The following LMBRD2 variants were observed in gnomAD, a reference collection of about 807,000 sequenced individuals.
LMBRD2 encodes G protein-coupled receptor-associated protein LMBRD2.
In LMBRD2, 55 loss-of-function variants were observed where a neutral mutation model predicts 94.4. The ratio of observed to expected loss-of-function variants is 0.58; its 90% CI spans 0.47 to 0.73. The LOEUF is 0.73. Among genes scored for constraint, LMBRD2 ranks in the 30% least tolerant of loss-of-function variants. The probability of loss-of-function intolerance (pLI) is 0.00; values close to 1 mark genes in which losing one functional copy is unlikely to be tolerated. For missense variants in LMBRD2, 640 were observed against 831.9 expected, an observed-to-expected ratio of 0.77 and a Z score of 2.84; for synonymous variants, 246 against 272.4, an observed-to-expected ratio of 0.90 and a Z score of 0.95.
intron 6 of LMBRD2, among the ~76,000 whole-genome samples, chr5:36,125,742 C>T (rs1480168919): frequency 6.6e-6 from 1 of 152,094 alleles, no homozygotes; most frequent in Non-Finnish European, 1.5e-5. Context: ...AGGAATTTAG[C>T]TTAATGAGGA....
intron 1 of LMBRD2, among the ~76,000 whole-genome samples, chr5:36,149,314 G>C (rs1744630960): frequency 6.6e-6 from 1 of 152,208 alleles, no homozygotes. Flanking sequence ...CACCACCACA[G>C]AGACTATCAG....
chr5:36,144,810 T>C (rs2111914268), intron 1 of LMBRD2, among the ~76,000 whole-genome samples: 1 of 152,324 alleles, frequency 6.6e-6, no homozygotes, highest in African/African-American at 2.4e-5. Context: ...TGGTTAAATT[T>C]AAATTTATAT....
At position 36,105,064 on chromosome 5, in the gene LMBRD2, T is replaced by G; in HGVS notation, c.2027+4A>C. 6.2e-7 allele frequency: 1 copy of G among 1,611,734 alleles called. No homozygotes were observed. Among genetic ancestry groups the G allele is most frequent in the South Asian group, 1.1e-5 (1 of 90,754 alleles). On this transcript the variant is annotated splice_donor_region_variant and intron_variant, in intron 17 of 17. Transcript: ENST00000296603. ...AGAGCTAAAATGTCACAGCCAGAAC[T>G]TACCTTCCTGATTCAGATTCAAGAG...
At chr5:36,113,352 A>AAG (rs1743660931) in intron 13 of LMBRD2, among the ~76,000 whole-genome samples, 2 of 151,916 alleles carry the variant, frequency 1.3e-5, no homozygotes, top group Non-Finnish European at 2.9e-5. Context: ...TAAGCCCTTA[A>AAG]AAGGGACAGG....
intron 12 of LMBRD2, among the ~76,000 whole-genome samples, chr5:36,114,783 T>C (rs1439033203): frequency 6.6e-6 from 1 of 152,168 alleles, no homozygotes; most frequent in African/African-American, 2.4e-5. Context: ...ATAGGTCAGT[T>C]CTTTTGATAC....
chr5:36,104,944 A>C (rs1743428202), intron 17 of LMBRD2, 124 bp downstream of exon 17: 1 of 903,606 alleles, frequency 1.1e-6, no homozygotes. Flanking sequence ...GAAAATGAAC[A>C]TTTTCCTTTA....
chr5:36,143,159 T>C lies in LMBRD2; in HGVS notation c.174+17A>G, dbSNP rs562659624. The stretch of plus-strand genomic sequence containing the variant: ...AAATTTGTCTTTTAAATTGTGAAAA[T>C]AAATTTCACTCCTTACCGTACTAAC... On this transcript the variant is annotated intron_variant, in intron 2 of 17. Transcript: ENST00000296603. 5 of 1,537,706 alleles carry C rather than the reference T, an allele frequency of 3.3e-6. No homozygotes were observed. In the Admixed American group the frequency reaches 1.0e-4, roughly 31 times the overall value.
intron 9 of LMBRD2, among the ~76,000 whole-genome samples, chr5:36,120,506 G>C (rs181605606): frequency 2.6e-5 from 4 of 152,012 alleles, no homozygotes; most frequent in Admixed American, 1.3e-4. Context: ...TGATCTGCCC[G>C]CCTCGGCCTC....
At chr5:36,109,323 T>C (rs1743549266) in intron 15 of LMBRD2, among the ~76,000 whole-genome samples, 1 of 152,058 alleles carries the variant, frequency 6.6e-6, no homozygotes, top group Admixed American at 6.6e-5. Context: ...AGAAGAGAAA[T>C]CTATCTCTAG....
Position 36,142,648 on chromosome 5 carries a change from A to T in LMBRD2, c.175-49T>A, listed in dbSNP as rs1303833513. ...AAAAATGAGAATCAAAAGGTTACCAAGTACTTAAAGGACATCAGAGTTTAT... is the reference window on the plus strand; with the variant it reads ...AAAAATGAGAATCAAAAGGTTACCATGTACTTAAAGGACATCAGAGTTTAT... On this transcript the variant is annotated intron_variant, in intron 2 of 17. Coordinates refer to ENST00000296603, the MANE Select transcript of LMBRD2 (RefSeq NM_001007527.2). The T allele has an allele frequency of 2.9e-6, 3 of 1,021,042 alleles. No homozygotes were observed. In the Admixed American group the frequency reaches 5.1e-5, roughly 17 times the overall value. The allele number at this position is 1,021,042 out of a possible 1,614,324, so 63.2% of individuals were successfully genotyped here.
Position 36,115,129 on chromosome 5 carries a change from A to T in LMBRD2, c.1437-9T>A, listed in dbSNP as rs1275982054. ...TCAAACGGCAAAATAGCCTGCAACA[A>T]ACATTTAAAAATATGTATATAAAAA... is the stretch of plus-strand genomic sequence containing the variant. On this transcript the variant is annotated splice_polypyrimidine_tract_variant and intron_variant, in intron 11 of 17. Coordinates refer to ENST00000296603, the MANE Select transcript of LMBRD2 (RefSeq NM_001007527.2). 1 of 1,541,492 alleles carries T rather than the reference A, an allele frequency of 6.5e-7. No homozygotes were observed. The highest frequency in any genetic ancestry group is 8.9e-7 in the Non-Finnish European group (1 of 1,120,244).
intron 1 of LMBRD2, among the ~76,000 whole-genome samples, chr5:36,146,871 C>A (rs1233697055): frequency 6.6e-6 from 1 of 152,014 alleles, no homozygotes; most frequent in African/African-American, 2.4e-5. Flanking sequence ...AAATAATCAC[C>A]ATAGTCAAAC....
chr5:36,146,941 A>AGTGTGTGT (rs371000455), intron 1 of LMBRD2, among the ~76,000 whole-genome samples: 22 of 139,468 alleles, frequency 1.6e-4, no homozygotes, highest in African/African-American at 2.4e-4. Flanking sequence ...TGTGTGTGTG[A>AGTGTGTGT]GTGTGTGTGT....
Position 36,100,470 on chromosome 5 carries a change from A to G in LMBRD2, c.*3576T>C, listed in dbSNP as rs1743324718. The G allele has an allele frequency of 6.6e-6, 1 of 152,118 alleles. No homozygotes were observed. Among genetic ancestry groups the G allele is most frequent in the South Asian group, 2.1e-4 (1 of 4,836 alleles). The allele number at this position is 152,118 out of a possible 1,614,324, so 9.4% of individuals were successfully genotyped here. ...CCACTCATCAAAAACAACTCTGTAC[A>G]CAAAACAGAAGGAAAATCTTTCAGC... is the stretch of plus-strand genomic sequence containing the variant. On this transcript the variant is annotated 3_prime_UTR_variant, in exon 18 of 18. Coordinates refer to ENST00000296603, the MANE Select transcript of LMBRD2 (RefSeq NM_001007527.2).
At chr5:36,128,172 C>T (rs1386624064) in intron 6 of LMBRD2, among the ~76,000 whole-genome samples, 1 of 152,210 alleles carries the variant, frequency 6.6e-6, no homozygotes, top group Non-Finnish European at 1.5e-5. Flanking sequence ...CACACATCTC[C>T]AAGTTTGCAA....
chr5:36,129,163 A>G (rs1392837062), intron 6 of LMBRD2, among the ~76,000 whole-genome samples: 1 of 152,218 alleles, frequency 6.6e-6, no homozygotes, highest in East Asian at 1.9e-4. Flanking sequence ...AAGAGGAGGT[A>G]GAGTGAGAGA....
In LMBRD2 at chr5:36,117,925, C is replaced by T; in HGVS notation, c.1121-9G>A. 1 of 1,570,064 alleles carries T rather than the reference C, an allele frequency of 6.4e-7. No individual in the cohort carries two copies. Among genetic ancestry groups the T allele is most frequent in the Non-Finnish European group, 8.6e-7 (1 of 1,162,550 alleles). On this transcript the variant is annotated splice_polypyrimidine_tract_variant and intron_variant, in intron 9 of 17. Coordinates refer to ENST00000296603, the MANE Select transcript of LMBRD2 (RefSeq NM_001007527.2). ...ACATTCCCAGTACCATTCTAGAAGA[C>T]AAAAGAAAAAAATGATTAGGAAAAC...
At position 36,101,235 on chromosome 5, in the gene LMBRD2, TAAC is replaced by T. The variant is rs549716613; in HGVS notation, c.*2808_*2810del. 1.2e-3 allele frequency: 178 copies of T among 152,118 alleles called. 2 individuals are homozygous for T. Among genetic ancestry groups the T allele is most frequent in the African/African-American group, 4.0e-3 (166 of 41,572 alleles). The allele number at this position is 152,118 out of a possible 1,614,324, so 9.4% of individuals were successfully genotyped here. ...GTTTTTTACAAAAATGCTCTATTGA[TAAC>T]AAGTTATTTATGTTGTAAAAGAAGT... On this transcript the variant is annotated 3_prime_UTR_variant, in exon 18 of 18. Transcript: ENST00000296603.
rs1743691305 is a variant in LMBRD2, at chr5:36,114,484, T to C, written c.1580A>G (p.Asp527Gly). Residue 527 changes from aspartate to glycine, a missense_variant, in exon 13 of 18, where the codon GAT (aspartate) becomes GGT (glycine). Coordinates refer to ENST00000296603, the MANE Select transcript of LMBRD2 (RefSeq NM_001007527.2). Reference sequence around the variant, plus strand: ...CATAGGATAATATATATAGAATCCATCTGCAATAAAGGATAAAACTTTCAT... The same window carrying C: ...CATAGGATAATATATATAGAATCCACCTGCAATAAAGGATAAAACTTTCAT... The part of the protein sequence containing the change: ...GSMKVLSFIA[D>G]GFYIYYPMLV... The C allele has an allele frequency of 6.4e-7, 1 of 1,568,120 alleles. No individual in the cohort carries two copies. The highest frequency in any genetic ancestry group is 8.6e-7 in the Non-Finnish European group (1 of 1,163,056).
Sources: allele counts gnomAD v4.1 joint callset (sites outside exome capture counted in the v4.1 genomes callset), GRCh38; gene constraint gnomAD v4.1.1; transcripts MANE v1.5; gene names NCBI Gene and HGNC (gene_info 2026-07-23, HGNC 2026-07-21).